Variants in TRIP4 observed in about 807,000 individuals in gnomAD.
The protein encoded by TRIP4 is activating signal cointegrator 1.
Under a neutral mutation model 81.8 loss-of-function variants are expected in TRIP4, and 54 were observed. The ratio of observed to expected loss-of-function variants is 0.66; its 90% confidence interval spans 0.53 to 0.83. The LOEUF (loss-of-function observed/expected upper bound fraction) is 0.83. TRIP4 is among the 40% of genes least tolerant of loss of function. The probability of loss-of-function intolerance (pLI) is 0.00; values close to 1 mark genes in which losing one functional copy is unlikely to be tolerated. For synonymous variants in TRIP4, 270 were observed against 242.8 expected (o/e 1.11, Z -1.04); for missense variants, 662 against 683.6 (o/e 0.97, Z 0.35).
chr15:64,441,011 G>C (rs899857665), intron 11 of TRIP4, among the ~76,000 whole-genome samples: 1 of 143,024 alleles, frequency 7.0e-6, no homozygotes, highest in East Asian at 2.0e-4. Context: ...TTTTATTTTT[G>C]AGACCGAGTC....
chr15:64,395,957 G>A (rs986261094), intron 3 of TRIP4, among the ~76,000 whole-genome samples: 3 of 151,046 alleles, frequency 2.0e-5, no homozygotes, highest in Admixed American at 1.3e-4. Flanking sequence ...CGCCCAGGCT[G>A]GAATGCAGTG....
chr15:64,438,539 G>A (rs950847368), intron 11 of TRIP4, among the ~76,000 whole-genome samples: 1 of 152,124 alleles, frequency 6.6e-6, no homozygotes, highest in African/African-American at 2.4e-5. Flanking sequence ...GGCTGGTCTC[G>A]AACTCCCAAC....
intron 11 of TRIP4, among the ~76,000 whole-genome samples, chr15:64,435,657 A>T (rs1892375864): frequency 6.6e-6 from 1 of 150,718 alleles, no homozygotes; most frequent in Non-Finnish European, 1.5e-5. Flanking sequence ...TAACAACATT[A>T]TTCCATCCCC....
At chr15:64,411,969 T>G (rs1353215057) in intron 7 of TRIP4, among the ~76,000 whole-genome samples, 3 of 152,132 alleles carry the variant, frequency 2.0e-5, no homozygotes, top group African/African-American at 4.8e-5. Flanking sequence ...CGTGAACCAC[T>G]GCGCCCGGCA....
intron 9 of TRIP4, among the ~76,000 whole-genome samples, chr15:64,423,103 C>G (rs1445615349): frequency 6.6e-6 from 1 of 152,110 alleles, no homozygotes; most frequent in Non-Finnish European, 1.5e-5. Context: ...CTGTTATTCT[C>G]TTTAGAGGTT....
At chr15:64,419,650 G>A (rs1203578034) in intron 9 of TRIP4, among the ~76,000 whole-genome samples, 4 of 151,974 alleles carry the variant, frequency 2.6e-5, no homozygotes, top group Non-Finnish European at 4.4e-5. Flanking sequence ...GAACCACCGC[G>A]CCTGGTGTGT....
rs150491308 is a variant in TRIP4 at position 64,400,851 on chromosome 15, G to A, written c.697+30G>A. The A allele has an allele frequency of 3.2e-3, 4,922 of 1,550,144 alleles. 54 individuals carry two copies. The highest frequency in any genetic ancestry group is 0.025 in the African/African-American group (1,849 of 73,700). On this transcript the variant is annotated intron_variant, in intron 5 of 12. Coordinates refer to ENST00000261884, the MANE Select transcript of TRIP4 (RefSeq NM_016213.5). ...ACAGCAGTCTTGTAATTGGATCACT[G>A]GGATGATGGGTACCTTGTTGCGTCT...
chr15:64,424,966 A>G (rs1032490614), intron 10 of TRIP4, among the ~76,000 whole-genome samples: 8 of 151,990 alleles, frequency 5.3e-5, no homozygotes, highest in South Asian at 2.1e-4. Flanking sequence ...TAGTAGAGAC[A>G]GGGTTTCACC....
intron 11 of TRIP4, among the ~76,000 whole-genome samples, chr15:64,438,652 TAAAATG>T (rs1336439620): frequency 6.6e-6 from 1 of 152,220 alleles, no homozygotes; most frequent in African/African-American, 2.4e-5. Flanking sequence ...CCTATTATAT[TAAAATG>T]AAGACCAAAA....
chr15:64,416,577 A>G (rs542324184), intron 8 of TRIP4, among the ~76,000 whole-genome samples: 1 of 152,100 alleles, frequency 6.6e-6, no homozygotes, highest in Non-Finnish European at 1.5e-5. Flanking sequence ...TTTTTTAAAG[A>G]AATTATTTAT....
chr15:64,437,568 C>A (rs1163953783), intron 11 of TRIP4, among the ~76,000 whole-genome samples: 1 of 151,298 alleles, frequency 6.6e-6, no homozygotes. Context: ...TCTCGGCTCA[C>A]TGCAACCTCC....
At chr15:64,449,751 GTGTC>G (rs1356131524) in intron 12 of TRIP4, among the ~76,000 whole-genome samples, 3 of 152,132 alleles carry the variant, frequency 2.0e-5, no homozygotes, top group African/African-American at 4.8e-5. Flanking sequence ...ACCTGGCTCT[GTGTC>G]TGCTTTATAT....
At chr15:64,395,690 G>A (rs1366105993) in intron 3 of TRIP4, among the ~76,000 whole-genome samples, 159 bp downstream of exon 3, 1 of 151,376 alleles carries the variant, frequency 6.6e-6, no homozygotes, top group African/African-American at 2.4e-5. Context: ...CTTTCTATAT[G>A]GTAGATTTTT....
intron 1 of TRIP4, among the ~76,000 whole-genome samples, chr15:64,391,108 A>G (rs1900114315): frequency 6.6e-6 from 1 of 152,002 alleles, no homozygotes; most frequent in East Asian, 1.9e-4. Context: ...AACTTGAACA[A>G]TTTTATATGA....
intron 11 of TRIP4, among the ~76,000 whole-genome samples, chr15:64,431,851 TTTTTATCCAAAGAGCATTGTGTTTTC>T (rs1892281591): frequency 8.1e-6 from 1 of 122,742 alleles, no homozygotes; most frequent in African/African-American, 3.2e-5. Context: ...ATATATATTT[TTTTTATCCAAAGAGCATTGTGTTTTC>T]TTTTTTTTTT....
At chr15:64,432,071 G>A (rs11630427) in intron 11 of TRIP4, among the ~76,000 whole-genome samples, 1 of 150,508 alleles carries the variant, frequency 6.6e-6, no homozygotes, top group East Asian at 2.0e-4. Context: ...ATTTTTAGTA[G>A]AGACAGGGTT....
chr15:64,415,945 G>GT, intron 8 of TRIP4, among the ~76,000 whole-genome samples: 1 of 152,312 alleles, frequency 6.6e-6, no homozygotes, highest in East Asian at 1.9e-4. Context: ...GGAGGGAAGA[G>GT]TAAGTAAGAT....
In TRIP4 at chr15:64,424,107, C is replaced by A. The variant is rs183230473; in HGVS notation, c.1435C>A (p.Gln479Lys). 10 of 1,614,078 alleles carry A rather than the reference C, an allele frequency of 6.2e-6. No homozygotes were observed. Among genetic ancestry groups the A allele is most frequent in the Non-Finnish European group, 8.5e-6 (10 of 1,180,052 alleles). The change falls in exon 10 of 13, where the codon CAA becomes AAA. Residue 479 changes from glutamine to lysine, a missense_variant. Coordinates refer to ENST00000261884, the MANE Select transcript of TRIP4 (RefSeq NM_016213.5). ...IAATAKKPSP[Q>K]EVSELQATYR... is the part of the protein sequence containing the mutation. ...AGCCACAGCTAAAAAACCCTCCCCTCAAGAAGTCTCAGAACTCCAGGCTAC... is the reference window on the plus strand; with the variant it reads ...AGCCACAGCTAAAAAACCCTCCCCTAAAGAAGTCTCAGAACTCCAGGCTAC...
At chr15:64,450,831 C>T in intron 12 of TRIP4, 5 of 435,260 alleles carry the variant, frequency 1.1e-5, no homozygotes, top group South Asian at 8.0e-5. Context: ...GTTGATCTTA[C>T]CTGAGCTGGT....
Sources: gnomAD v4.1 joint callset for allele counts (sites outside exome capture counted in the v4.1 genomes callset) on GRCh38, gnomAD v4.1.1 for gene constraint, MANE v1.5 for transcripts, NCBI Gene and HGNC (gene_info 2026-07-23, HGNC 2026-07-21) for gene names.